Variants in PDE10A observed in about 807,000 individuals in gnomAD.
The protein encoded by PDE10A is cAMP and cAMP-inhibited cGMP 3',5'-cyclic phosphodiesterase 10A.
Under a neutral mutation model 97.7 loss-of-function variants are expected in PDE10A, and 39 were observed. The observed-to-expected ratio is 0.40, with a 90% confidence interval of 0.31 to 0.52. The LOEUF (loss-of-function observed/expected upper bound fraction) is 0.52, where lower values mean the gene tolerates loss of function less well. PDE10A is among the 20% of genes least tolerant of loss of function. The pLI is 0.56. For synonymous variants in PDE10A, 371 were observed against 376.8 expected, an observed-to-expected ratio of 0.98 and a Z score of 0.18; for missense variants, 731 against 1,047.8, an observed-to-expected ratio of 0.70 and a Z score of 4.17.
chr6:165,545,463 C>T (rs527897094), intron 1 of PDE10A, among the ~76,000 whole-genome samples: 5 of 152,106 alleles, frequency 3.3e-5, no homozygotes, highest in South Asian at 2.1e-4. Flanking sequence ...TGACTCATTC[C>T]GACTTGTCAT....
chr6:165,943,118 C>T lies in PDE10A; in HGVS notation c.-615+44411G>A, dbSNP rs140186159. Among the ~76,000 whole-genome samples, 85 of 139,592 alleles carry T rather than the reference C, an allele frequency of 6.1e-4. 4 individuals carry two copies. Among genetic ancestry groups the T allele is most frequent in the Non-Finnish European group, 4.6e-4 (30 of 65,810 alleles). The allele number at this position is 139,592 out of a possible 152,430, so 91.6% of individuals were successfully genotyped here. A position where few individuals can be genotyped will look rare whatever the true frequency, so the allele number is the denominator to read the frequency against. On this transcript the variant is annotated intron_variant, in intron 1 of 19. Transcript: ENST00000366882. ...CCCAGAGAGAGGAAGGGAAATCGTG[C>T]GGTGGGGCAGGGGAGGCAAGAGAGG...
chr6:165,462,610 C>T (rs759287775), intron 3 of PDE10A, among the ~76,000 whole-genome samples: 2 of 152,146 alleles, frequency 1.3e-5, no homozygotes, highest in Admixed American at 6.5e-5. Flanking sequence ...GAGACTGACG[C>T]TGAGGAGGTC....
chr6:165,840,473 A>G (rs1780229394), intron 1 of PDE10A, among the ~76,000 whole-genome samples: 1 of 152,166 alleles, frequency 6.6e-6, no homozygotes, highest in East Asian at 1.9e-4. Flanking sequence ...TGTAGTCATT[A>G]CCATATAAGA....
intron 1 of PDE10A, among the ~76,000 whole-genome samples, chr6:165,815,374 C>T (rs982217286): frequency 2.6e-5 from 4 of 152,082 alleles, no homozygotes; most frequent in African/African-American, 4.8e-5. Context: ...AGGTCAAGCA[C>T]GAACAGTTTA....
chr6:165,387,589 A>C (rs1333721981), intron 17 of PDE10A, among the ~76,000 whole-genome samples: 1 of 152,116 alleles, frequency 6.6e-6, no homozygotes, highest in African/African-American at 2.4e-5. Flanking sequence ...AAAACTCAAA[A>C]CCTTTTCCCT....
intron 3 of PDE10A, among the ~76,000 whole-genome samples, chr6:165,470,519 G>A (rs2128270633): frequency 1.3e-5 from 2 of 152,200 alleles, no homozygotes; most frequent in East Asian, 3.9e-4. Context: ...GTCAACTTTG[G>A]TTTATACTTC....
chr6:165,797,802 C>T (rs929250718), intron 1 of PDE10A, among the ~76,000 whole-genome samples: 4 of 152,158 alleles, frequency 2.6e-5, no homozygotes, highest in Non-Finnish European at 5.9e-5. Context: ...GCAAACCTTA[C>T]ACATACACAG....
At chr6:165,432,187 T>TTA (rs1290246460) in intron 7 of PDE10A, among the ~76,000 whole-genome samples, 1 of 152,118 alleles carries the variant, frequency 6.6e-6, no homozygotes, top group African/African-American at 2.4e-5. Context: ...GTGTAGCATA[T>TTA]AATATATTAG....
At chr6:165,381,631 A>ATT (rs547827126) in intron 17 of PDE10A, among the ~76,000 whole-genome samples, 90 of 118,662 alleles carry the variant, frequency 7.6e-4, no homozygotes, top group Non-Finnish European at 1.1e-3. Flanking sequence ...CACCTGGCTA[A>ATT]TTTTTTTTTT....
At chr6:165,982,829 T>A (rs1357715258) in intron 1 of PDE10A, among the ~76,000 whole-genome samples, 1 of 152,144 alleles carries the variant, frequency 6.6e-6, no homozygotes, top group Non-Finnish European at 1.5e-5. Context: ...CCAAACATTG[T>A]AACACAATCT....
At chr6:165,778,027 G>C (rs996436770) in intron 1 of PDE10A, among the ~76,000 whole-genome samples, 1 of 147,996 alleles carries the variant, frequency 6.8e-6, no homozygotes, top group African/African-American at 2.7e-5. Context: ...AATTAAAAAG[G>C]CTACATTTTT....
At chr6:165,792,676 A>C (rs1186792507) in intron 1 of PDE10A, among the ~76,000 whole-genome samples, 1 of 151,888 alleles carries the variant, frequency 6.6e-6, no homozygotes, top group African/African-American at 2.4e-5. Flanking sequence ...CGCTGACCAC[A>C]CCCAGGTTAT....
intron 1 of PDE10A, among the ~76,000 whole-genome samples, chr6:165,911,431 G>A (rs189961176): frequency 1.1e-4 from 17 of 152,208 alleles, no homozygotes; most frequent in African/African-American, 2.6e-4. Context: ...GAATTCCCCC[G>A]AACAAACTAT....
At chr6:165,610,680 AGC>A (rs1481489162) in intron 1 of PDE10A, among the ~76,000 whole-genome samples, 2 of 152,212 alleles carry the variant, frequency 1.3e-5, no homozygotes, top group Non-Finnish European at 2.9e-5. Flanking sequence ...GTAGGCAATG[AGC>A]CCACTGTGAT....
intron 16 of PDE10A, among the ~76,000 whole-genome samples, chr6:165,391,589 T>C (rs1348743749): frequency 6.6e-6 from 1 of 152,116 alleles, no homozygotes; most frequent in Non-Finnish European, 1.5e-5. Context: ...AAAGGAGAGA[T>C]TTCATGTGGA....
intron 1 of PDE10A, among the ~76,000 whole-genome samples, chr6:165,683,547 T>C (rs900662328): frequency 6.6e-6 from 1 of 152,216 alleles, no homozygotes; most frequent in Non-Finnish European, 1.5e-5. Context: ...TTTGAGATCT[T>C]GGTGAGGTCA....
intron 1 of PDE10A, among the ~76,000 whole-genome samples, chr6:165,592,189 C>A (rs971677989): frequency 6.6e-6 from 1 of 152,006 alleles, no homozygotes; most frequent in South Asian, 2.1e-4. Context: ...ACAAACCTGA[C>A]AAAAACAAGC....
intron 1 of PDE10A, among the ~76,000 whole-genome samples, chr6:165,619,174 C>G (rs111210785): frequency 0.17 from 17,958 of 102,644 alleles, 2,371 homozygotes; most frequent in African/African-American, 0.37. Flanking sequence ...GTAGTGTAGT[C>G]TAGTGTAGTG....
intron 1 of PDE10A, among the ~76,000 whole-genome samples, chr6:165,794,877 A>T (rs1778788223): frequency 1.3e-5 from 2 of 152,238 alleles, no homozygotes; most frequent in African/African-American, 4.8e-5. Context: ...TACAGTACTG[A>T]TGAGAAAGAC....
Sources: allele counts gnomAD v4.1 joint callset (sites outside exome capture counted in the v4.1 genomes callset), GRCh38; gene constraint gnomAD v4.1.1; transcripts MANE v1.5; gene names NCBI Gene and HGNC (gene_info 2026-07-23, HGNC 2026-07-21).